ACVR1C: variants seen among roughly 807,000 people sequenced by gnomAD.
ACVR1C encodes the protein activin receptor type-1C.
Under a neutral mutation model 57.9 loss-of-function variants are expected in ACVR1C, and 23 were observed. The ratio of observed to expected loss-of-function variants is 0.40; its 90% CI spans 0.29 to 0.56. ACVR1C has a LOEUF of 0.56. Among genes scored for constraint, ACVR1C ranks in the 20% least tolerant of loss-of-function variants. The pLI is 0.50. For synonymous variants in ACVR1C, 214 were observed against 215.3 expected (o/e 0.99, Z 0.05); for missense variants, 480 against 607.9 (o/e 0.79, Z 2.21).
intron 1 of ACVR1C, among the ~76,000 whole-genome samples, chr2:157,602,923 T>A (rs1451155345): frequency 3.3e-5 from 5 of 152,156 alleles, no homozygotes; most frequent in Admixed American, 1.3e-4. Flanking sequence ...TTTGTTAAAG[T>A]CATTTCTTGT....
At chr2:157,580,051 C>A (rs1017685148) in intron 2 of ACVR1C, among the ~76,000 whole-genome samples, 1 of 151,864 alleles carries the variant, frequency 6.6e-6, no homozygotes, top group South Asian at 2.1e-4. Context: ...CTTCCCCAAC[C>A]CCCGTCTTGC....
At chr2:157,553,906 GGT>G (rs1687982466) in intron 3 of ACVR1C, among the ~76,000 whole-genome samples, 2 of 151,934 alleles carry the variant, frequency 1.3e-5, no homozygotes, top group African/African-American at 2.4e-5. Flanking sequence ...AATGTGGCCA[GGT>G]GCAGTGGCTC....
intron 3 of ACVR1C, among the ~76,000 whole-genome samples, chr2:157,554,317 AAAAG>A (rs1688031700): frequency 6.7e-6 from 1 of 148,292 alleles, no homozygotes; most frequent in East Asian, 2.0e-4. Context: ...AAGGAAAAGA[AAAAG>A]AAAAAGAAAG....
chr2:157,528,569 A>G lies in ACVR1C; in HGVS notation c.*5349T>C, dbSNP rs1268022963. On this transcript the variant is annotated 3_prime_UTR_variant, in exon 9 of 9. Transcript: ENST00000243349. ...AGGGATTGTTACCTAATTTTGCTGT[A>G]GTATTATATTCCAAACTAATAGCAT... 1 of 152,156 alleles carries G rather than the reference A, an allele frequency of 6.6e-6. No homozygotes were observed. Among genetic ancestry groups the G allele is most frequent in the Non-Finnish European group, 1.5e-5 (1 of 68,014 alleles). The allele number at this position is 152,156 out of a possible 1,614,324, so 9.4% of individuals were successfully genotyped here.
intron 2 of ACVR1C, among the ~76,000 whole-genome samples, chr2:157,586,735 G>A (rs528515031): frequency 6.6e-6 from 1 of 152,236 alleles, no homozygotes; most frequent in East Asian, 1.9e-4. Flanking sequence ...AAGAAGATAT[G>A]CAGAGGATAT....
Position 157,529,077 on chromosome 2 carries a change from GAA to G in ACVR1C, c.*4839_*4840del, listed in dbSNP as rs1211718526. On this transcript the variant is annotated 3_prime_UTR_variant, in exon 9 of 9. Transcript: ENST00000243349. ...TGAGAAACTGAGGGGAAAAAAAAGA[GAA>G]AGAGAGAAAAGTTAGATAATATCCC... 2.0e-5 allele frequency: 3 copies of G among 152,060 alleles called. No homozygotes were observed. The highest frequency in any genetic ancestry group is 6.6e-5 in the Admixed American group (1 of 15,242). The allele number at this position is 152,060 out of a possible 1,614,324, so 9.4% of individuals were successfully genotyped here. A position where few individuals can be genotyped will look rare whatever the true frequency, so the allele number is the denominator to read the frequency against.
intron 2 of ACVR1C, among the ~76,000 whole-genome samples, chr2:157,581,227 A>T (rs568787470): frequency 6.6e-6 from 1 of 152,214 alleles, no homozygotes; most frequent in South Asian, 2.1e-4. Flanking sequence ...TCATTAAAAA[A>T]CACAAGGAAA....
chr2:157,623,217 A>T lies in ACVR1C; in HGVS notation c.73+5355T>A, dbSNP rs138182874. Among the ~76,000 whole-genome samples, 121 of 152,278 alleles carry T rather than the reference A, an allele frequency of 7.9e-4. 2 individuals carry two copies. The East Asian group carries it at 0.021, about 26-fold the overall frequency. On this transcript the variant is annotated intron_variant, in intron 1 of 8. Transcript: ENST00000243349. ...CCTTTGGAGGTTCCTCAAAAAATTA[A>T]AACTTGAGCTACCATATGATCCAGC...
In ACVR1C at chr2:157,531,154, C is replaced by T. The variant is rs2105195330; in HGVS notation, c.*2764G>A. 1 of 151,444 alleles carries T rather than the reference C, an allele frequency of 6.6e-6. No homozygotes were observed. The highest frequency in any genetic ancestry group is 2.1e-4 in the South Asian group (1 of 4,798). The allele number at this position is 151,444 out of a possible 1,614,324, so 9.4% of individuals were successfully genotyped here. ...CCATTAAAAACAATATAACATTTGA[C>T]AGCATAAGTATATACAAGAAGCCTG... is the stretch of plus-strand genomic sequence containing the variant. On this transcript the variant is annotated 3_prime_UTR_variant, in exon 9 of 9. Transcript: ENST00000243349.
At chr2:157,559,408 G>T (rs1377729476) in intron 2 of ACVR1C, among the ~76,000 whole-genome samples, 1 of 151,972 alleles carries the variant, frequency 6.6e-6, no homozygotes, top group African/African-American at 2.4e-5. Flanking sequence ...TCCCTAGGGG[G>T]GATAAATGAA....
intron 1 of ACVR1C, among the ~76,000 whole-genome samples, chr2:157,602,909 T>C (rs112036946): frequency 3.3e-4 from 51 of 152,304 alleles, no homozygotes; most frequent in Non-Finnish European, 7.1e-4. Flanking sequence ...GGGATGAATA[T>C]TAATTTGTTA....
In ACVR1C at chr2:157,611,727, TG is replaced by T. The variant is rs543149210; in HGVS notation, c.73+16844del. ...TTTGTCAGTGGTGTTGACAGCAAGC[TG>T]GGGGGGCCAGCTCTTAAAGTTCCTG... On this transcript the variant is annotated intron_variant, in intron 1 of 8. Transcript: ENST00000243349. 4.2e-3 allele frequency among the ~76,000 whole-genome samples: 643 copies of T among 152,190 alleles called. 4 individuals are homozygous for T. The highest frequency in any genetic ancestry group is 0.024 in the Middle Eastern group (7 of 294).
chr2:157,539,509 A>C (rs1257111852), intron 7 of ACVR1C, among the ~76,000 whole-genome samples: 1 of 152,224 alleles, frequency 6.6e-6, no homozygotes, highest in Admixed American at 6.5e-5. Flanking sequence ...CTAAATTACT[A>C]TTTTTACAGT....
In ACVR1C at chr2:157,556,277, C is replaced by T; in HGVS notation, c.360G>A (p.Val120=). 6.2e-7 allele frequency: 1 copy of T among 1,614,134 alleles called. No individual in the cohort carries two copies. The highest frequency in any genetic ancestry group is 8.5e-7 in the Non-Finnish European group (1 of 1,180,032). The change falls in exon 3 of 9, where the codon GTG becomes GTA. Residue 120 remains valine (V), a synonymous_variant. Coordinates refer to ENST00000243349, the MANE Select transcript of ACVR1C (RefSeq NM_145259.3). ...GPMELAIIIT[V]PVCLLSIAAM... Reference sequence around the variant, plus strand: ...CAGCTATGGACAGGAGGCAAACAGGCACAGTAATAATGATGGCCAGCTCCA... The same window carrying T: ...CAGCTATGGACAGGAGGCAAACAGGTACAGTAATAATGATGGCCAGCTCCA...
In ACVR1C at chr2:157,534,870, T is replaced by G. The variant is rs184674604; in HGVS notation, c.1357-827A>C. Among the ~76,000 whole-genome samples, 73 of 152,214 alleles carry G rather than the reference T, an allele frequency of 4.8e-4. 1 individual carries two copies. In the East Asian group the frequency reaches 0.013, roughly 28 times the overall value. ...GCACACAGAAAGTTTCAGATCAAGA[T>G]GCCAGCCAGGCGCAGTGTCTCATGC... On this transcript the variant is annotated intron_variant, in intron 8 of 8. Transcript: ENST00000243349.
chr2:157,628,416 C>T (rs1341914009), intron 1 of ACVR1C, among the ~76,000 whole-genome samples, 156 bp downstream of exon 1: 1 of 152,172 alleles, frequency 6.6e-6, no homozygotes, highest in African/African-American at 2.4e-5. Context: ...CACGCTGCAC[C>T]CTATCCCGCG....
At chr2:157,559,933 AAAG>A (rs994698106) in intron 2 of ACVR1C, among the ~76,000 whole-genome samples, 11 of 151,760 alleles carry the variant, frequency 7.2e-5, no homozygotes, top group African/African-American at 2.2e-4. Context: ...AGGAAAAAGG[AAAG>A]AGAGAGAGAA....
chr2:157,550,374 T>A lies in ACVR1C; in HGVS notation c.563A>T (p.Gln188Leu), dbSNP rs1201271824. 19 of 1,614,198 alleles carry A rather than the reference T, an allele frequency of 1.2e-5. No individual in the cohort carries two copies. The highest frequency in any genetic ancestry group is 1.5e-5 in the Non-Finnish European group (18 of 1,180,014). ...GSGSGLPLLVQRTIARTIVLQ... is the reference protein window; with the variant it reads ...GSGSGLPLLVLRTIARTIVLQ... ...CACAATCGTCCTTGCAATTGTCCTT[T>A]GAACCAACAGAGGTAGACCTAACCA... The change falls in exon 4 of 9, where the codon CAA becomes CTA. Residue 188 changes from glutamine (Q) to leucine (L), a missense_variant. Transcript: ENST00000243349.
intron 3 of ACVR1C, among the ~76,000 whole-genome samples, chr2:157,552,717 C>T (rs1222504017): frequency 1.3e-5 from 2 of 152,078 alleles, no homozygotes; most frequent in African/African-American, 4.8e-5. Flanking sequence ...AGTAAGACAA[C>T]AATATATAAA....
Sources: allele counts gnomAD v4.1 joint callset (sites outside exome capture counted in the v4.1 genomes callset), GRCh38; gene constraint gnomAD v4.1.1; transcripts MANE v1.5; gene names NCBI Gene and HGNC (gene_info 2026-07-23, HGNC 2026-07-21).